NR2E1: variants seen among roughly 807,000 people sequenced by gnomAD.
NR2E1 encodes nuclear receptor subfamily 2 group E member 1.
NR2E1 carries 5 observed loss-of-function variants against 43.6 expected under a neutral mutation model. The ratio of observed to expected loss-of-function variants is 0.11; its 90% CI spans 0.06 to 0.24. The LOEUF (loss-of-function observed/expected upper bound fraction) is 0.24, where lower values mean the gene tolerates loss of function less well. NR2E1 is among the 10% of genes least tolerant of loss of function. The pLI is 1.00. For missense variants in NR2E1, 287 were observed against 496.7 expected (o/e 0.58, Z 4.01); for synonymous variants, 191 against 195.5 (o/e 0.98, Z 0.19).
At chr6:108,170,019 C>T (rs924502036) in intron 1 of NR2E1, among the ~76,000 whole-genome samples, 73 of 149,522 alleles carry the variant, frequency 4.9e-4, no homozygotes, top group African/African-American at 1.7e-3. Context: ...GAGTCTGGGA[C>T]CCACGGTGCA....
chr6:108,166,827 G>A lies in NR2E1; in HGVS notation c.25+37G>A. The A allele has an allele frequency of 1.3e-6, 2 of 1,578,256 alleles. No individual in the cohort carries two copies. Among genetic ancestry groups the A allele is most frequent in the Admixed American group, 1.8e-5 (1 of 54,712 alleles). On this transcript the variant is annotated intron_variant, in intron 1 of 8. Transcript: ENST00000368986. The surrounding 1 kb of genome is among the most constrained non-coding windows in gnomAD (Gnocchi z 7.2). ...TCGGGCCGCCGTGGGGCCTAGGCGC[G>A]CAGCCTGGGGCGAGCGAGCGGGGAG...
chr6:108,185,698 T>C (rs1774066025), intron 8 of NR2E1, among the ~76,000 whole-genome samples: 1 of 152,216 alleles, frequency 6.6e-6, no homozygotes, highest in East Asian at 1.9e-4. Flanking sequence ...CCTCATACAT[T>C]GCTATTGTTT....
At chr6:108,177,221 G>A (rs1318255635) in intron 4 of NR2E1, among the ~76,000 whole-genome samples, 1 of 152,240 alleles carries the variant, frequency 6.6e-6, no homozygotes, top group Non-Finnish European at 1.5e-5. Flanking sequence ...AAAGCCATGA[G>A]TTTCTAACGC....
intron 7 of NR2E1, among the ~76,000 whole-genome samples, chr6:108,181,333 A>G (rs1277991193): frequency 6.6e-6 from 1 of 152,126 alleles, no homozygotes; most frequent in Non-Finnish European, 1.5e-5. Flanking sequence ...AGCTGGGATT[A>G]CAGACACATG....
chr6:108,178,214 C>T lies in NR2E1; in HGVS notation c.615C>T (p.Ala205=), dbSNP rs1358107749. The T allele has an allele frequency of 1.2e-6, 2 of 1,613,984 alleles. No individual in the cohort carries two copies. Among genetic ancestry groups the T allele is most frequent in the African/African-American group, 2.7e-5 (2 of 74,892 alleles). The part of the protein sequence containing the change: ...MSIKWAKSVP[A]FSTLSLQDQL... ...TCAAGTGGGCTAAGAGTGTGCCAGC[C>T]TTCTCCACGCTGTCTTTGCAAGACC... The change falls in exon 5 of 9, where the codon GCC becomes GCT. Residue 205 remains alanine, a synonymous_variant. Transcript: ENST00000368986.
intron 2 of NR2E1, among the ~76,000 whole-genome samples, chr6:108,172,175 C>T (rs955667984): frequency 3.9e-5 from 6 of 152,184 alleles, no homozygotes; most frequent in Non-Finnish European, 7.3e-5. Flanking sequence ...GCATTTTCAA[C>T]TCTGGAGAAG....
intron 1 of NR2E1, chr6:108,168,156 C>T: frequency 6.3e-7 from 1 of 1,589,136 alleles, no homozygotes. Flanking sequence ...GTTGGAATCT[C>T]CAGGAGGTAA....
At chr6:108,176,155 C>T (rs1773893296) in intron 3 of NR2E1, 1 of 323,004 alleles carries the variant, frequency 3.1e-6, no homozygotes, top group Non-Finnish European at 5.8e-6. Context: ...TACCTGGCTA[C>T]TCCAGCCCAG....
At chr6:108,173,229 A>G (rs1773841145) in intron 2 of NR2E1, among the ~76,000 whole-genome samples, 1 of 152,220 alleles carries the variant, frequency 6.6e-6, no homozygotes, top group Non-Finnish European at 1.5e-5. Flanking sequence ...TGATTTGAAG[A>G]CACACTTAAG....
chr6:108,172,362 C>A (rs530419133), intron 2 of NR2E1, among the ~76,000 whole-genome samples: 2 of 152,166 alleles, frequency 1.3e-5, no homozygotes, highest in African/African-American at 2.4e-5. Flanking sequence ...TGGGCCCAGT[C>A]GGTTGTTTTG....
In NR2E1 at chr6:108,188,394, T is replaced by C. The variant is rs1774109359; in HGVS notation, c.*931T>C. ...ATATGGACGTAATTGCAGAAGGAAC[T>C]TCAAGGAGATGAATGAATGCTAAAA... On this transcript the variant is annotated 3_prime_UTR_variant, in exon 9 of 9. Transcript: ENST00000368986. The C allele has an allele frequency of 6.6e-6, 1 of 152,074 alleles. No homozygotes were observed. Among genetic ancestry groups the C allele is most frequent in the East Asian group, 1.9e-4 (1 of 5,190 alleles). The allele number at this position is 152,074 out of a possible 1,614,324, so 9.4% of individuals were successfully genotyped here.
At position 108,180,814 on chromosome 6, in the gene NR2E1, CG is replaced by C. The variant is rs1562405924; in HGVS notation, c.749del (p.Gly250ValfsTer9). 1 of 1,613,728 alleles carries C rather than the reference CG, an allele frequency of 6.2e-7. No individual in the cohort carries two copies. Among genetic ancestry groups the C allele is most frequent in the Admixed American group, 1.7e-5 (1 of 60,022 alleles). On this transcript the variant is annotated frameshift_variant, in exon 7 of 9. Coordinates refer to ENST00000368986, the MANE Select transcript of NR2E1 (RefSeq NM_003269.5). LOFTEE classifies it high-confidence loss of function. The surrounding 1 kb of genome is among the most constrained non-coding windows in gnomAD (Gnocchi z 5.4). ...NTLLAVSGMN[G>X]DNTDSQKLNK... Reference sequence around the variant, plus strand: ...CCCATATTTTTATTCTAGGCATGAACGGTGACAACACAGATTCCCAGAAGCT... The same window carrying C: ...CCCATATTTTTATTCTAGGCATGAACGTGACAACACAGATTCCCAGAAGCT...
chr6:108,178,322 C>A (rs1437230190), intron 5 of NR2E1, 81 bp downstream of exon 5: 8 of 1,460,460 alleles, frequency 5.5e-6, no homozygotes, highest in Non-Finnish European at 7.7e-6. Context: ...TTCCTCTATC[C>A]CTGGGTAAAC....
chr6:108,174,845 C>G lies in NR2E1; in HGVS notation c.181C>G (p.Pro61Ala). Residue 61 changes from proline to alanine, a missense_variant, in exon 3 of 9, where the codon CCG (proline) becomes GCG (alanine). Physicochemically the swap from Pro to Ala is conservative, Grantham distance 27. Around this residue, in one of 4 missense-constraint regions of NR2E1, gnomAD observed 46 missense variants for 132.3 expected, o/e 0.35. Coordinates refer to ENST00000368986, the MANE Select transcript of NR2E1 (RefSeq NM_003269.5). Reference protein sequence around the residue: ...VCKSGNQGGCPVDKTHRNQCR... With the variant: ...VCKSGNQGGCAVDKTHRNQCR... ...CTGCTCTCTGTTCCAGGGAGGCTGT[C>G]CGGTGGACAAGACGCACAGAAACCA... The G allele has an allele frequency of 1.2e-6, 2 of 1,614,020 alleles. No homozygotes were observed. Among genetic ancestry groups the G allele is most frequent in the Non-Finnish European group, 1.7e-6 (2 of 1,179,978 alleles).
rs1002958064 is a variant in NR2E1, at chr6:108,176,623, C to A, written c.380C>A (p.Ala127Glu). 2 of 1,611,288 alleles carry A rather than the reference C, an allele frequency of 1.2e-6. No homozygotes were observed. The highest frequency in any genetic ancestry group is 1.7e-6 in the Non-Finnish European group (2 of 1,179,616). Residue 127 changes from alanine to glutamate, a missense_variant, in exon 4 of 9, where the codon GCG (alanine) becomes GAG (glutamate). By Grantham distance (107) the Ala-to-Glu change is moderately radical. Coordinates refer to ENST00000368986, the MANE Select transcript of NR2E1 (RefSeq NM_003269.5). Reference sequence around the variant, plus strand: ...CACTTTCCCTCGGCGGCGCTCCCTGCGCCGGCCTTCTTCACCGCGGTCACG... The same window carrying A: ...CACTTTCCCTCGGCGGCGCTCCCTGAGCCGGCCTTCTTCACCGCGGTCACG... Reference protein sequence around the residue: ...AAHFPSAALPAPAFFTAVTQL... With the variant: ...AAHFPSAALPEPAFFTAVTQL...
chr6:108,184,756 A>G (rs977804885), intron 8 of NR2E1, among the ~76,000 whole-genome samples: 3 of 152,194 alleles, frequency 2.0e-5, no homozygotes, highest in African/African-American at 7.2e-5. Context: ...ACAACAGCCT[A>G]TTTTAGAGAA....
rs1773968622 is a variant in NR2E1, at chr6:108,180,646, A to C, written c.740-161A>C. 6.6e-6 allele frequency among the ~76,000 whole-genome samples: 1 copy of C among 152,202 alleles called. No homozygotes were observed. On this transcript the variant is annotated intron_variant, in intron 6 of 8. Coordinates refer to ENST00000368986, the MANE Select transcript of NR2E1 (RefSeq NM_003269.5). This position sits in a 1 kb window ranked among gnomAD's most constrained non-coding sequence, Gnocchi z 5.4. Reference sequence around the variant, plus strand: ...TGTGTTTGTTATCATCCAAGAGAAGATTTTATATTAACTTTCATACAATAT... The same window carrying C: ...TGTGTTTGTTATCATCCAAGAGAAGCTTTTATATTAACTTTCATACAATAT...
At position 108,169,089 on chromosome 6, in the gene NR2E1, G is replaced by A. The variant is rs1213613319; in HGVS notation, c.25+2299G>A. Among the ~76,000 whole-genome samples the A allele has an allele frequency of 2.0e-5, 3 of 152,210 alleles. No individual in the cohort carries two copies. The highest frequency in any genetic ancestry group is 3.8e-4 in the East Asian group (2 of 5,200). ...CGGCTTGCTAAATGAGAGGAGCTTT[G>A]CAACGGGGTCAACCAGCTTGTCTCG... On this transcript the variant is annotated intron_variant, in intron 1 of 8. Transcript: ENST00000368986. This position sits in a 1 kb window ranked among gnomAD's most constrained non-coding sequence, Gnocchi z 6.1.
intron 1 of NR2E1, among the ~76,000 whole-genome samples, chr6:108,170,796 T>G (rs1773799924): frequency 6.6e-6 from 1 of 152,124 alleles, no homozygotes. Flanking sequence ...CGAACCACTT[T>G]GCGGAGAAAA....
Sources: allele counts gnomAD v4.1 joint callset (sites outside exome capture counted in the v4.1 genomes callset), GRCh38; gene constraint gnomAD v4.1.1; regional missense constraint gnomAD v4.1.1; non-coding constraint Gnocchi (gnomAD v3.1); transcripts MANE v1.5; gene names NCBI Gene and HGNC (gene_info 2026-07-23, HGNC 2026-07-21).